The following FMN1 variants were observed in gnomAD, a reference collection of about 807,000 sequenced individuals.
The protein encoded by FMN1 is formin 1, also known as formin-1.
FMN1 carries 110 observed loss-of-function variants against 132.4 expected under a neutral mutation model. That is an observed-to-expected ratio of 0.83 (90% CI 0.71 to 0.97). The LOEUF is 0.97. FMN1 is among the 50% of genes least tolerant of loss of function. The probability of loss-of-function intolerance (pLI) is 0.00; values close to 1 mark genes in which losing one functional copy is unlikely to be tolerated. For missense variants in FMN1, 1,792 were observed against 1,705.3 expected (o/e 1.05, Z -0.90); for synonymous variants, 722 against 651.7 (o/e 1.11, Z -1.64).
chr15:32,810,952 G>A (rs1446855794), intron 17 of FMN1: 1 of 455,938 alleles, frequency 2.2e-6, no homozygotes, highest in East Asian at 6.9e-5. Context: ...ATGCTAACGA[G>A]GAAACAAAGG....
chr15:32,912,336 G>C (rs564270773), intron 10 of FMN1, among the ~76,000 whole-genome samples: 1 of 152,138 alleles, frequency 6.6e-6, no homozygotes, highest in Non-Finnish European at 1.5e-5. Flanking sequence ...GAGAGGTTGG[G>C]ACTGAGAACA....
chr15:32,902,076 A>G, intron 12 of FMN1, 36 bp from the exon 13 acceptor site: 1 of 1,573,810 alleles, frequency 6.4e-7, no homozygotes, highest in Non-Finnish European at 8.6e-7. Flanking sequence ...ACCTTCACAT[A>G]TAATCACAAG....
At position 33,017,138 on chromosome 15, in the gene FMN1, T is replaced by TTA. The variant is rs1555381664; in HGVS notation, c.2162-9064_2162-9063insTA. Among the ~76,000 whole-genome samples the TTA allele has an allele frequency of 3.3e-4, 49 of 147,130 alleles. No individual in the cohort carries two copies. The South Asian group carries it at 6.1e-3, about 18-fold the overall frequency. ...GTACCCTAGAACTTAAAGCATAATT[T>TTA]AAAAAAAAAAAAGTGGTTGCCAAGG... On this transcript the variant is annotated intron_variant, in intron 6 of 20. Transcript: ENST00000616417.
intron 20 of FMN1, among the ~76,000 whole-genome samples, chr15:32,776,080 A>C (rs896507): frequency 0.34 from 52,000 of 151,696 alleles, 9,339 homozygotes; most frequent in Middle Eastern, 0.42. Flanking sequence ...AAATAACCCC[A>C]AAAAAAAAGT....
At chr15:32,989,507 CATA>C (rs1261167192) in intron 7 of FMN1, among the ~76,000 whole-genome samples, 1 of 151,448 alleles carries the variant, frequency 6.6e-6, no homozygotes, top group African/African-American at 2.4e-5. Context: ...AAGAGAAAAC[CATA>C]ATAATTCCCC....
intron 6 of FMN1, among the ~76,000 whole-genome samples, chr15:33,016,678 C>G (rs1238555007): frequency 6.6e-6 from 1 of 152,190 alleles, no homozygotes; most frequent in East Asian, 1.9e-4. Flanking sequence ...GGCCTTCAAC[C>G]AGCACACACG....
chr15:32,852,598 C>G (rs2059033272), intron 17 of FMN1, among the ~76,000 whole-genome samples: 1 of 152,174 alleles, frequency 6.6e-6, no homozygotes, highest in Non-Finnish European at 1.5e-5. Flanking sequence ...AACTCCTGGC[C>G]TCAAGTGATC....
intron 9 of FMN1, among the ~76,000 whole-genome samples, chr15:32,944,991 T>C (rs1226948949): frequency 6.6e-6 from 1 of 152,150 alleles, no homozygotes; most frequent in East Asian, 1.9e-4. Context: ...ATTTTAGACT[T>C]CTAGACTCTA....
chr15:33,013,451 TAAG>T (rs772111632), intron 6 of FMN1, among the ~76,000 whole-genome samples: 9 of 148,538 alleles, frequency 6.1e-5, no homozygotes, highest in Non-Finnish European at 9.0e-5. Flanking sequence ...TTAACAAAAC[TAAG>T]AAGAATGGTG....
chr15:33,153,789 C>T lies in FMN1; in HGVS notation c.1126G>A (p.Ala376Thr). The change falls in exon 4 of 21, where the codon GCT becomes ACT. Residue 376 changes from alanine (A) to threonine (T), a missense_variant. Physicochemically the swap from Ala to Thr is moderately conservative, Grantham distance 58. Transcript: ENST00000616417. ...PKADLLTLPG[A>T]EAGAHGSRRQ... ...CTGGAGCCATGAGCCCCAGCCTCAG[C>T]TCCCGGGAGGGTGAGCAAGTCGGCT... 1 of 1,536,358 alleles carries T rather than the reference C, an allele frequency of 6.5e-7. No homozygotes were observed. The highest frequency in any genetic ancestry group is 8.7e-7 in the Non-Finnish European group (1 of 1,146,968).
rs142744300 is a variant in FMN1 at position 32,892,086 on chromosome 15, T to A, written c.3715-3794A>T. Among the ~76,000 whole-genome samples, 494 of 152,274 alleles carry A rather than the reference T, an allele frequency of 3.2e-3. 4 individuals are homozygous for A. The highest frequency in any genetic ancestry group is 0.011 in the African/African-American group (474 of 41,558). ...TGATTGCTCTGGCTAGGACTTCCAG[T>A]ACTATGTTGAAGAGGAGTGGCGAGA... On this transcript the variant is annotated intron_variant, in intron 15 of 20. Coordinates refer to ENST00000616417, the MANE Select transcript of FMN1 (RefSeq NM_001277313.2).
chr15:32,883,198 A>G (rs754372393), intron 16 of FMN1, among the ~76,000 whole-genome samples: 17 of 152,174 alleles, frequency 1.1e-4, no homozygotes, highest in Non-Finnish European at 1.9e-4. Flanking sequence ...GAAAATGAAA[A>G]CAAAACTGAT....
intron 3 of FMN1, among the ~76,000 whole-genome samples, chr15:33,159,337 G>C (rs2140297346): frequency 6.6e-6 from 1 of 152,318 alleles, no homozygotes; most frequent in South Asian, 2.1e-4. Flanking sequence ...GCACGAAGAG[G>C]AATAGGCTTC....
intron 7 of FMN1, among the ~76,000 whole-genome samples, chr15:32,980,888 C>T (rs2032599342): frequency 6.6e-6 from 1 of 152,142 alleles, no homozygotes; most frequent in Non-Finnish European, 1.5e-5. Flanking sequence ...GTGATGCGTG[C>T]TTGTAACCCC....
At chr15:32,917,966 A>G (rs762388320) in intron 10 of FMN1, among the ~76,000 whole-genome samples, 1 of 152,208 alleles carries the variant, frequency 6.6e-6, no homozygotes, top group Non-Finnish European at 1.5e-5. Context: ...TATTTAATTC[A>G]TGCTAATACA....
chr15:32,979,508 A>C (rs902302099), intron 7 of FMN1, among the ~76,000 whole-genome samples: 4 of 137,512 alleles, frequency 2.9e-5, no homozygotes, highest in African/African-American at 5.4e-5. Context: ...GTGAGCGGAG[A>C]TTGTGCCATT....
In FMN1 at chr15:33,018,218, C is replaced by T. The variant is rs113704843; in HGVS notation, c.2162-10143G>A. On this transcript the variant is annotated intron_variant, in intron 6 of 20. Coordinates refer to ENST00000616417, the MANE Select transcript of FMN1 (RefSeq NM_001277313.2). The stretch of plus-strand genomic sequence containing the variant: ...GTGATACTGCAAAATATGTATTTGG[C>T]CCTTGACCCCACTTCCTGACAATTT... 7.4e-3 allele frequency among the ~76,000 whole-genome samples: 1,127 copies of T among 152,152 alleles called. 17 individuals are homozygous for T. The highest frequency in any genetic ancestry group is 0.024 in the African/African-American group (1,002 of 41,516).
Position 32,966,708 on chromosome 15 carries a change from T to G in FMN1, c.2987+2006A>C, listed in dbSNP as rs114031172. Among the ~76,000 whole-genome samples, 816 of 152,294 alleles carry G rather than the reference T, an allele frequency of 5.4e-3. 6 individuals are homozygous for G. Among genetic ancestry groups the G allele is most frequent in the African/African-American group, 0.018 (747 of 41,556 alleles). On this transcript the variant is annotated intron_variant, in intron 8 of 20. Coordinates refer to ENST00000616417, the MANE Select transcript of FMN1 (RefSeq NM_001277313.2). ...GCAGTGTACACATAATGCTGAAAAT[T>G]CACATTTTGTTTCTGGCTTCCCAGA...
chr15:32,865,994 T>C (rs1452692980), intron 16 of FMN1, among the ~76,000 whole-genome samples: 4 of 152,102 alleles, frequency 2.6e-5, no homozygotes, highest in Non-Finnish European at 4.4e-5. Context: ...TACAGCTATG[T>C]ATATATATTT....
Sources: gnomAD v4.1 joint callset for allele counts (sites outside exome capture counted in the v4.1 genomes callset) on GRCh38, gnomAD v4.1.1 for gene constraint, MANE v1.5 for transcripts, NCBI Gene and HGNC (gene_info 2026-07-23, HGNC 2026-07-21) for gene names.